The following CSMD1 variants were observed in gnomAD, a reference collection of about 807,000 sequenced individuals.
CSMD1 encodes the protein CUB and sushi domain-containing protein 1.
CSMD1 carries 213 observed loss-of-function variants against 417.5 expected under a neutral mutation model. The observed-to-expected ratio is 0.51, with a 90% confidence interval of 0.46 to 0.57. CSMD1 has a LOEUF of 0.57. CSMD1 is among the 20% of genes least tolerant of loss of function. CSMD1 has a pLI of 0.00. For synonymous variants in CSMD1, 2,862 were observed against 1,736.8 expected (o/e 1.65, Z -16.11); for missense variants, 6,923 against 4,529.7 (o/e 1.53, Z -15.17).
At chr8:4,488,916 AT>A (rs1014933305) in intron 2 of CSMD1, among the ~76,000 whole-genome samples, 1 of 152,034 alleles carries the variant, frequency 6.6e-6, no homozygotes, top group Non-Finnish European at 1.5e-5. Context: ...ATTACTAAAC[AT>A]TTTTTTATTT....
Position 3,989,839 on chromosome 8 carries a change from C to T in CSMD1, c.818+8064G>A, listed in dbSNP as rs578107057. 4.7e-4 allele frequency among the ~76,000 whole-genome samples: 71 copies of T among 152,180 alleles called. 1 individual carries two copies. Among genetic ancestry groups the T allele is most frequent in the South Asian group, 4.1e-4 (2 of 4,834 alleles). On this transcript the variant is annotated intron_variant, in intron 5 of 69. Transcript: ENST00000635120. ...AAGTAACCCAAGCAACAAAATGTCA[C>T]ATTTTTTGGAGGAGTATAGGATTGC... is the stretch of plus-strand genomic sequence containing the variant.
chr8:4,455,832 G>A (rs867521015), intron 2 of CSMD1, among the ~76,000 whole-genome samples: 7 of 143,712 alleles, frequency 4.9e-5, no homozygotes, highest in Non-Finnish European at 7.5e-5. Flanking sequence ...TCAGGAGGCT[G>A]AGGCAAGATA....
intron 3 of CSMD1, among the ~76,000 whole-genome samples, chr8:4,181,794 C>G (rs1284213596): frequency 6.6e-6 from 1 of 152,256 alleles, no homozygotes; most frequent in East Asian, 1.9e-4. Flanking sequence ...ATTTAGGTGA[C>G]TAATTGACTA....
At chr8:4,616,365 A>G (rs539664253) in intron 2 of CSMD1, among the ~76,000 whole-genome samples, 3 of 152,236 alleles carry the variant, frequency 2.0e-5, no homozygotes, top group African/African-American at 4.8e-5. Context: ...CTCTGAGGTC[A>G]CATGGAGATG....
chr8:3,299,396 G>A (rs1025436524), intron 25 of CSMD1, among the ~76,000 whole-genome samples: 3 of 152,128 alleles, frequency 2.0e-5, no homozygotes, highest in African/African-American at 4.8e-5. Flanking sequence ...AGGTTGCAGT[G>A]AGCCAAGATC....
At chr8:3,864,148 T>C (rs1804918278) in intron 5 of CSMD1, among the ~76,000 whole-genome samples, 1 of 152,228 alleles carries the variant, frequency 6.6e-6, no homozygotes, top group South Asian at 2.1e-4. Flanking sequence ...CCAGCATTTA[T>C]GGATCACCTT....
At chr8:4,269,855 G>A (rs1804464824) in intron 3 of CSMD1, among the ~76,000 whole-genome samples, 1 of 152,116 alleles carries the variant, frequency 6.6e-6, no homozygotes, top group Non-Finnish European at 1.5e-5. Flanking sequence ...CCTACAAAAT[G>A]TCTTGAAGTT....
chr8:3,800,445 A>G (rs933257552), intron 5 of CSMD1, among the ~76,000 whole-genome samples: 4 of 152,176 alleles, frequency 2.6e-5, no homozygotes, highest in Admixed American at 6.6e-5. Context: ...TAAATTCTAC[A>G]AAAAGTGCTG....
intron 42 of CSMD1, among the ~76,000 whole-genome samples, chr8:3,112,155 G>T (rs984175331): frequency 2.6e-5 from 4 of 151,868 alleles, no homozygotes; most frequent in Non-Finnish European, 1.5e-5. Flanking sequence ...CCTTTCAAGA[G>T]TCCCTACTGT....
At chr8:3,530,444 C>T (rs1218966464) in intron 10 of CSMD1, among the ~76,000 whole-genome samples, 1 of 152,134 alleles carries the variant, frequency 6.6e-6, no homozygotes, top group East Asian at 1.9e-4. Flanking sequence ...TGTTTAACTT[C>T]CACATATTTG....
intron 6 of CSMD1, among the ~76,000 whole-genome samples, chr8:3,723,593 T>C (rs930244327): frequency 5.9e-5 from 9 of 152,242 alleles, no homozygotes; most frequent in African/African-American, 1.9e-4. Flanking sequence ...TTGCCAATGA[T>C]GAAATTCGGG....
intron 3 of CSMD1, among the ~76,000 whole-genome samples, chr8:4,251,188 G>A (rs1803044198): frequency 6.6e-6 from 1 of 152,006 alleles, no homozygotes; most frequent in Admixed American, 6.5e-5. Context: ...ATAATAGAAA[G>A]TGAACAAGTT....
chr8:3,532,128 TC>T lies in CSMD1; in HGVS notation c.1345-38403del, dbSNP rs759883243. 7.9e-5 allele frequency among the ~76,000 whole-genome samples: 12 copies of T among 152,302 alleles called. No homozygotes were observed. The East Asian group carries it at 1.9e-3, about 25-fold the overall frequency. The stretch of plus-strand genomic sequence containing the variant: ...GATGGCAACATTTTTTTTCTGGGAC[TC>T]CTCTCTGGAGTAGAAAGGTGTTCGC... On this transcript the variant is annotated intron_variant, in intron 10 of 69. Transcript: ENST00000635120.
chr8:3,052,796 C>G (rs1183748889), intron 49 of CSMD1, 149 bp from the exon 50 acceptor site: 1 of 525,608 alleles, frequency 1.9e-6, no homozygotes, highest in Non-Finnish European at 2.8e-6. Flanking sequence ...TTTTTTTTTT[C>G]TGGAGACAAG....
intron 3 of CSMD1, among the ~76,000 whole-genome samples, chr8:4,042,839 A>AAAAAAAAAAAAAAC (rs1179079811): frequency 8.2e-6 from 1 of 121,716 alleles, no homozygotes; most frequent in Non-Finnish European, 1.7e-5. Flanking sequence ...AAAAAAAAAA[A>AAAAAAAAAAAAAAC]AAAGCAGGCT....
intron 4 of CSMD1, among the ~76,000 whole-genome samples, chr8:4,002,002 A>G (rs1815716870): frequency 6.6e-6 from 1 of 152,236 alleles, no homozygotes; most frequent in African/African-American, 2.4e-5. Context: ...GGCCAAAATA[A>G]TATATGCAAG....
chr8:4,493,424 G>A (rs1285805727), intron 2 of CSMD1, among the ~76,000 whole-genome samples: 1 of 152,134 alleles, frequency 6.6e-6, no homozygotes, highest in Middle Eastern at 3.2e-3. Flanking sequence ...GGTCGGGACT[G>A]GTGGTTCACG....
At chr8:2,951,519 G>A (rs1802633730) in intron 65 of CSMD1, among the ~76,000 whole-genome samples, 1 of 152,122 alleles carries the variant, frequency 6.6e-6, no homozygotes, top group Non-Finnish European at 1.5e-5. Context: ...ATTATTATTA[G>A]AAGCCAAAGC....
At chr8:3,849,223 T>C (rs1485515786) in intron 5 of CSMD1, among the ~76,000 whole-genome samples, 3 of 151,968 alleles carry the variant, frequency 2.0e-5, no homozygotes, top group African/African-American at 4.8e-5. Context: ...GAGAAAATGA[T>C]GGAAAAGAGG....
Sources: gnomAD v4.1 joint callset for allele counts (sites outside exome capture counted in the v4.1 genomes callset) on GRCh38, gnomAD v4.1.1 for gene constraint, MANE v1.5 for transcripts, NCBI Gene and HGNC (gene_info 2026-07-23, HGNC 2026-07-21) for gene names.